CHFR: variants seen among roughly 807,000 people sequenced by gnomAD.
The protein encoded by CHFR is checkpoint with forkhead and ring finger domains, also known as E3 ubiquitin-protein ligase CHFR.
In CHFR, 57 loss-of-function variants were observed where a neutral mutation model predicts 87.6. That is an observed-to-expected ratio of 0.65 (90% CI 0.53 to 0.81). CHFR has a LOEUF of 0.81. Ranked by LOEUF, CHFR falls within the 30% of genes least tolerant of loss-of-function variation. The pLI is 0.00. For missense variants in CHFR, 797 were observed against 865.8 expected (o/e 0.92, Z 1.00); for synonymous variants, 381 against 359.2 (o/e 1.06, Z -0.69).
chr12:132,862,385 G>A, intron 6 of CHFR: 1 of 433,156 alleles, frequency 2.3e-6, no homozygotes, highest in Non-Finnish European at 4.6e-6. Context: ...TTGATCCCAG[G>A]AGTTTTAGAC....
At chr12:132,857,917 A>C (rs4758911) in intron 8 of CHFR, among the ~76,000 whole-genome samples, 31,401 of 152,186 alleles carry the variant, frequency 0.21, 3,471 homozygotes, top group African/African-American at 0.27. Context: ...ACCTTCCCAG[A>C]TAAGGAGCAT....
At chr12:132,862,138 G>A (rs936552123) in intron 6 of CHFR, among the ~76,000 whole-genome samples, 1 of 152,040 alleles carries the variant, frequency 6.6e-6, no homozygotes, top group African/African-American at 2.4e-5. Context: ...AGACAGGCGT[G>A]GTGGCGAGTG....
chr12:132,843,223 G>C lies in CHFR; in HGVS notation c.1844-140C>G, dbSNP rs183514686. The stretch of plus-strand genomic sequence containing the variant: ...GGTCCCTCCATAACTAGTTTCCTCG[G>C]ACCGTTCTGAGATTTCAGGAAAGGA... On this transcript the variant is annotated intron_variant, in intron 16 of 17. Transcript: ENST00000450056. 701 of 742,372 alleles carry C rather than the reference G, an allele frequency of 9.4e-4. 6 individuals carry two copies. In the African/African-American group the frequency reaches 0.011, roughly 12 times the overall value. The allele number at this position is 742,372 out of a possible 1,614,324, so 46.0% of individuals were successfully genotyped here.
At chr12:132,876,752 C>G (rs1180692330) in intron 3 of CHFR, among the ~76,000 whole-genome samples, 3 of 152,164 alleles carry the variant, frequency 2.0e-5, no homozygotes, top group African/African-American at 7.2e-5. Context: ...CTTCTAATAC[C>G]TTGGGAGCCT....
chr12:132,878,312 T>C (rs1032152417), intron 2 of CHFR, among the ~76,000 whole-genome samples: 2 of 151,324 alleles, frequency 1.3e-5, no homozygotes, highest in African/African-American at 4.9e-5. Flanking sequence ...CTACTAAAAA[T>C]ACAAAAATTA....
At chr12:132,864,701 C>T (rs759386073) in intron 6 of CHFR, among the ~76,000 whole-genome samples, 6 of 152,146 alleles carry the variant, frequency 3.9e-5, no homozygotes, top group Non-Finnish European at 8.8e-5. Context: ...GTTGGCCAGG[C>T]TGGTCTTGAA....
chr12:132,860,393 CT>C (rs1234143045), intron 7 of CHFR, among the ~76,000 whole-genome samples: 2 of 152,186 alleles, frequency 1.3e-5, no homozygotes, highest in Non-Finnish European at 2.9e-5. Flanking sequence ...AGTTGTGTGA[CT>C]TACACAATTT....
Position 132,869,661 on chromosome 12 carries a change from T to A in CHFR, c.541A>T (p.Thr181Ser). ...TCTCGCCCTGCAGGAGAAGGCTCCG[T>A]GGAAGAGGCCGAGGCTGTGGGGAAG... ...DLFPTASASS[T>S]EPSPAGRERS... The change falls in exon 6 of 18, where the codon ACG (threonine) becomes TCG (serine). Residue 181 changes from threonine (T) to serine (S), a missense_variant. Thr to Ser is a moderately conservative substitution (Grantham distance 58). Coordinates refer to ENST00000450056, the MANE Select transcript of CHFR (RefSeq NM_001161346.2). 3 of 1,551,704 alleles carry A rather than the reference T, an allele frequency of 1.9e-6. No individual in the cohort carries two copies. The highest frequency in any genetic ancestry group is 3.9e-5 in the Admixed American group (2 of 50,994).
intron 5 of CHFR, among the ~76,000 whole-genome samples, chr12:132,870,141 AGG>A: frequency 6.6e-6 from 1 of 151,856 alleles, no homozygotes; most frequent in Non-Finnish European, 1.5e-5. Flanking sequence ...TCACGAGGTC[AGG>A]AGATCGAGGC....
rs1950653011 is a variant in CHFR, at chr12:132,837,017, G to A, written c.*4537C>T. The stretch of plus-strand genomic sequence containing the variant: ...AACTAGACTGGCTGGCGGGGTGGGG[G>A]CAGCCCTGCAGGAGCTGAATGAGGA... On this transcript the variant is annotated 3_prime_UTR_variant, in exon 18 of 18. Coordinates refer to ENST00000450056, the MANE Select transcript of CHFR (RefSeq NM_001161346.2). 1 of 352,360 alleles carries A rather than the reference G, an allele frequency of 2.8e-6. No individual in the cohort carries two copies. Among genetic ancestry groups the A allele is most frequent in the Non-Finnish European group, 5.6e-6 (1 of 179,604 alleles). 21.8% of individuals were successfully genotyped at this position (352,360 alleles called of 1,614,324 possible).
rs1353651008 is a variant in CHFR at position 132,841,485 on chromosome 12, T to A, written c.*69A>T. On this transcript the variant is annotated 3_prime_UTR_variant, in exon 18 of 18. Coordinates refer to ENST00000450056, the MANE Select transcript of CHFR (RefSeq NM_001161346.2). ...GGCTGTGAAAACACCTTGACGTGCT[T>A]GTCTCTGTATTTTAAAAACACGCTC... is the stretch of plus-strand genomic sequence containing the variant. The A allele has an allele frequency of 9.4e-6, 13 of 1,377,488 alleles. No homozygotes were observed. Among genetic ancestry groups the A allele is most frequent in the South Asian group, 4.6e-5 (4 of 86,168 alleles). 85.3% of individuals were successfully genotyped at this position (1,377,488 alleles called of 1,614,324 possible).
At chr12:132,873,285 A>G (rs1034714407) in intron 3 of CHFR, among the ~76,000 whole-genome samples, 1 of 152,062 alleles carries the variant, frequency 6.6e-6, no homozygotes. Context: ...CATTGCCACT[A>G]CTCAGCTCTG....
In CHFR at chr12:132,832,454, A is replaced by G. The variant is rs1273215278; in HGVS notation, c.*9100T>C. On this transcript the variant is annotated 3_prime_UTR_variant, in exon 18 of 18. Transcript: ENST00000450056. Reference sequence around the variant, plus strand: ...ATAATAATGTATTGTATATTTTTAAATAACAAAAAGAGTGGAACTGGAATG... The same window carrying G: ...ATAATAATGTATTGTATATTTTTAAGTAACAAAAAGAGTGGAACTGGAATG... The G allele has an allele frequency of 1.2e-4, 18 of 152,204 alleles. No individual in the cohort carries two copies. The highest frequency in any genetic ancestry group is 2.1e-4 in the South Asian group (1 of 4,832). The allele number at this position is 152,204 out of a possible 1,614,324, so 9.4% of individuals were successfully genotyped here.
At chr12:132,860,521 A>G (rs935167552) in intron 7 of CHFR, among the ~76,000 whole-genome samples, 7 of 152,110 alleles carry the variant, frequency 4.6e-5, no homozygotes, top group African/African-American at 1.7e-4. Flanking sequence ...CAGATAACCT[A>G]ATTTCTTTCC....
In CHFR at chr12:132,834,115, T is replaced by A. The variant is rs1013685769; in HGVS notation, c.*7439A>T. Reference sequence around the variant, plus strand: ...CCTGAGCTACAGGGAGGCCATGCCATCTTCTGACAGTGGAGAGGGCAGGTC... The same window carrying A: ...CCTGAGCTACAGGGAGGCCATGCCAACTTCTGACAGTGGAGAGGGCAGGTC... On this transcript the variant is annotated 3_prime_UTR_variant, in exon 18 of 18. Transcript: ENST00000450056. 1 of 152,302 alleles carries A rather than the reference T, an allele frequency of 6.6e-6. No individual in the cohort carries two copies. Among genetic ancestry groups the A allele is most frequent in the African/African-American group, 2.4e-5 (1 of 41,430 alleles). 9.4% of individuals were successfully genotyped at this position (152,302 alleles called of 1,614,324 possible). A position where few individuals can be genotyped will look rare whatever the true frequency, so the allele number is the denominator to read the frequency against.
intron 14 of CHFR, chr12:132,847,386 A>G (rs1950853701): frequency 8.1e-7 from 1 of 1,237,208 alleles, no homozygotes; most frequent in African/African-American, 1.5e-5. Flanking sequence ...GCCAAGACCT[A>G]CACAGCCCAG....
At chr12:132,852,402 A>G (rs1950968286) in intron 11 of CHFR, among the ~76,000 whole-genome samples, 1 of 152,222 alleles carries the variant, frequency 6.6e-6, no homozygotes, top group Non-Finnish European at 1.5e-5. Flanking sequence ...GAGAACAGCC[A>G]TCTCTCAAAT....
At chr12:132,842,977 T>C (rs913850863) in intron 17 of CHFR, 34 bp downstream of exon 17, 6 of 1,575,006 alleles carry the variant, frequency 3.8e-6, no homozygotes, top group Middle Eastern at 1.7e-4. Flanking sequence ...TTCATCACTC[T>C]GTAGCTGACG....
chr12:132,843,163 A>G, intron 16 of CHFR, 80 bp from the exon 17 acceptor site: 3 of 1,280,920 alleles, frequency 2.3e-6, no homozygotes, highest in Non-Finnish European at 3.4e-6. Flanking sequence ...GCAGAGACCC[A>G]ACGACAGACG....
Sources: allele counts gnomAD v4.1 joint callset (sites outside exome capture counted in the v4.1 genomes callset), GRCh38; gene constraint gnomAD v4.1.1; transcripts MANE v1.5; gene names NCBI Gene and HGNC (gene_info 2026-07-23, HGNC 2026-07-21).